The following IFT46 variants were observed in gnomAD, a reference collection of about 807,000 sequenced individuals.
The protein encoded by IFT46 is intraflagellar transport protein 46 homolog.
A neutral mutation model predicts 39.6 loss-of-function variants in IFT46; 19 were observed. The observed-to-expected ratio is 0.48, with a 90% confidence interval of 0.33 to 0.70. The LOEUF (loss-of-function observed/expected upper bound fraction) is 0.70, where lower values mean the gene tolerates loss of function less well. Ranked by LOEUF, IFT46 falls within the 30% of genes least tolerant of loss-of-function variation. IFT46 has a pLI of 0.01. For missense variants in IFT46, 334 were observed against 364.8 expected (o/e 0.92, Z 0.69); for synonymous variants, 117 against 134.8 (o/e 0.87, Z 0.91).
At chr11:118,574,524 TCATC>T (rs1200857954), upstream of IFT46, among the ~76,000 whole-genome samples, 1 of 152,072 alleles carries the variant, frequency 6.6e-6, no homozygotes, top group African/African-American at 2.4e-5. Flanking sequence ...ATGCATCTAA[TCATC>T]CATCCATCCC....
Position 118,545,443 on chromosome 11 carries a change from A to T in IFT46, c.785T>A (p.Leu262His). The change falls in exon 11 of 12, where the codon CTC becomes CAC. Residue 262 changes from leucine to histidine, a missense_variant. Leu to His is a moderately conservative substitution (Grantham distance 99). Coordinates refer to ENST00000264021, the MANE Select transcript of IFT46 (RefSeq NM_001168618.2). ...CTTGAATTCTGAGTAGAGGGAAAAG[A>T]GCAGATGGAGGGACTGGATCCGACT... ...YKSRIQSLHL[L>H]FSLYSEFKNS... 6.2e-7 allele frequency: 1 copy of T among 1,613,722 alleles called. No homozygotes were observed. Among genetic ancestry groups the T allele is most frequent in the Non-Finnish European group, 8.5e-7 (1 of 1,179,660 alleles).
chr11:118,556,907 C>A lies in IFT46; in HGVS notation c.184G>T (p.Gly62Trp). Residue 62 changes from glycine (G) to tryptophan (W), a missense_variant and splice_region_variant, in exon 4 of 12, where the codon GGG becomes TGG. Transcript: ENST00000264021. Reference sequence around the variant, plus strand: ...TTGGCTTGGGTGTTCTTTCCTCACCCTTCCAGAGGGGCTCCATGCTCTTCA... The same window carrying A: ...TTGGCTTGGGTGTTCTTTCCTCACCATTCCAGAGGGGCTCCATGCTCTTCA... ...DDEEHGAPLE[G>W]AYDPADYEHL... is the part of the protein sequence containing the mutation. 6.3e-7 allele frequency: 1 copy of A among 1,594,002 alleles called. No individual in the cohort carries two copies. Among genetic ancestry groups the A allele is most frequent in the Non-Finnish European group, 8.6e-7 (1 of 1,169,304 alleles).
At chr11:118,553,439 C>CAA (rs34453997) in intron 7 of IFT46, among the ~76,000 whole-genome samples, 5 of 89,902 alleles carry the variant, frequency 5.6e-5, no homozygotes, top group Non-Finnish European at 2.4e-5. Flanking sequence ...AAAACTGTCT[C>CAA]AAAAAAAAAA....
chr11:118,576,450 C>CAAAA (rs1565357939), upstream of IFT46, among the ~76,000 whole-genome samples: 1 of 43,734 alleles, frequency 2.3e-5, no homozygotes, highest in African/African-American at 6.6e-5. Flanking sequence ...AAAAAAAAAA[C>CAAAA]CAAAAACTTT....
exon 1 of IFT46, chr11:118,572,747 T>G (rs1016366720): frequency 7.3e-5 from 40 of 549,700 alleles, no homozygotes; most frequent in Non-Finnish European, 1.2e-4. Context: ...CCAGTCCATC[T>G]GTCGTCGTGC....
Position 118,555,306 on chromosome 11 carries a change from C to G in IFT46, c.202G>C (p.Asp68His). 1 of 1,614,054 alleles carries G rather than the reference C, an allele frequency of 6.2e-7. No homozygotes were observed. Among genetic ancestry groups the G allele is most frequent in the Non-Finnish European group, 8.5e-7 (1 of 1,179,990 alleles). Residue 68 changes from aspartate to histidine, a missense_variant, in exon 5 of 12, where the codon GAC becomes CAC. Physicochemically the swap from Asp to His is moderately conservative, Grantham distance 81 (BLOSUM62 -1). Coordinates refer to ENST00000264021, the MANE Select transcript of IFT46 (RefSeq NM_001168618.2). ...APLEGAYDPA[D>H]YEHLPVSAEI... ...GCAGAAACTGGCAAATGCTCATAGT[C>G]TGCAGGGTCATAGGCCCTGGGAAAA...
Position 118,563,662 on chromosome 11 carries a change from A to ATGTGTT in IFT46, c.-36+1302_-36+1303insAACACA, listed in dbSNP as rs1555070948. Among the ~76,000 whole-genome samples, 96 of 152,238 alleles carry ATGTGTT rather than the reference A, an allele frequency of 6.3e-4. 3 individuals carry two copies. In the South Asian group the frequency reaches 0.019, roughly 30 times the overall value. On this transcript the variant is annotated intron_variant, in intron 2 of 11. Coordinates refer to ENST00000264021, the MANE Select transcript of IFT46 (RefSeq NM_001168618.2). ...CACACGACAGCAACACAGCCTCCAA[A>ATGTGTT]GCTCTGCTTATTGTGCTTCCTGCCC...
At chr11:118,557,354 C>T (rs1241127835) in intron 3 of IFT46, 7 of 389,638 alleles carry the variant, frequency 1.8e-5, no homozygotes, top group Middle Eastern at 6.9e-4. Context: ...AGCTTCGGCC[C>T]GAAAAGCTAT....
At chr11:118,557,655 C>T (rs1937885451) in intron 3 of IFT46, 1 of 1,518,314 alleles carries the variant, frequency 6.6e-7, no homozygotes, top group Non-Finnish European at 9.1e-7. Context: ...TATTTCCCTT[C>T]CCTTACCCCA....
chr11:118,574,728 A>T (rs1029261889), upstream of IFT46, among the ~76,000 whole-genome samples: 3 of 151,958 alleles, frequency 2.0e-5, no homozygotes, highest in Non-Finnish European at 2.9e-5. Context: ...ACTTCATCAT[A>T]AAATAAAGTA....
upstream of IFT46, among the ~76,000 whole-genome samples, chr11:118,573,980 T>C (rs1938421586): frequency 6.6e-6 from 1 of 152,240 alleles, no homozygotes; most frequent in Non-Finnish European, 1.5e-5. Flanking sequence ...AGTTAAGGTC[T>C]TGTATTATAT....
At chr11:118,554,841 T>A in intron 6 of IFT46, 149 bp downstream of exon 6, 1 of 684,106 alleles carries the variant, frequency 1.5e-6, no homozygotes, top group South Asian at 1.9e-5. Context: ...GCAATGAGTG[T>A]AATTTGGAGT....
rs140761369 is a variant in IFT46, at chr11:118,554,549, T to C, written c.393A>G (p.Leu131=). 20 of 1,612,502 alleles carry C rather than the reference T, an allele frequency of 1.2e-5. No homozygotes were observed. Among genetic ancestry groups the C allele is most frequent in the African/African-American group, 8.0e-5 (6 of 74,976 alleles). ...RPDGKPDNLG[L]LVLDEPSTKQ... ...TTGTAGAAGGTTCATCCAATACCAA[T>C]AGGCCAAGGTTGTCAGGCTTTCCAT... The change falls in exon 7 of 12, where the codon CTA becomes CTG. Residue 131 remains leucine (L), a synonymous_variant. Transcript: ENST00000264021.
chr11:118,553,302 G>A (rs900468324), intron 7 of IFT46, among the ~76,000 whole-genome samples: 8 of 151,914 alleles, frequency 5.3e-5, no homozygotes, highest in Non-Finnish European at 1.2e-4. Flanking sequence ...TCAGCTGGGC[G>A]TGGTGGTGCA....
At chr11:118,576,442 A>C (rs200253835), upstream of IFT46, among the ~76,000 whole-genome samples, 3,528 of 131,476 alleles carry the variant, frequency 0.027, 172 homozygotes, top group African/African-American at 0.083. Context: ...AAAAAAAAAA[A>C]AAAAAAACCA....
intron 10 of IFT46, 27 bp from the exon 11 acceptor site, chr11:118,545,521 C>G (rs782557412): frequency 6.4e-7 from 1 of 1,570,478 alleles, no homozygotes; most frequent in South Asian, 1.1e-5. Context: ...CTTCCAGGAA[C>G]AGAAGCAAAC....
chr11:118,553,584 G>A (rs1323829382), intron 7 of IFT46, among the ~76,000 whole-genome samples: 1 of 152,150 alleles, frequency 6.6e-6, no homozygotes, highest in African/African-American at 2.4e-5. Flanking sequence ...AGCCACTTTG[G>A]AAAACAGTTT....
chr11:118,554,567 C>T lies in IFT46; in HGVS notation c.375G>A (p.Lys125=). 6.2e-7 allele frequency: 1 copy of T among 1,608,710 alleles called. No homozygotes were observed. The highest frequency in any genetic ancestry group is 8.5e-7 in the Non-Finnish European group (1 of 1,178,572). Reference sequence around the variant, plus strand: ...ATACCAATAGGCCAAGGTTGTCAGGCTTTCCATCAGGACGTGGGACCTGGT... The same window carrying T: ...ATACCAATAGGCCAAGGTTGTCAGGTTTTCCATCAGGACGTGGGACCTGGT... ...AFLKVPRPDG[K]PDNLGLLVLD... The change falls in exon 7 of 12, where the codon AAG becomes AAA. Residue 125 remains lysine, a synonymous_variant. Coordinates refer to ENST00000264021, the MANE Select transcript of IFT46 (RefSeq NM_001168618.2).
intron 6 of IFT46, 72 bp downstream of exon 6, chr11:118,554,918 G>C: frequency 8.8e-7 from 1 of 1,140,208 alleles, no homozygotes; most frequent in Non-Finnish European, 1.3e-6. Flanking sequence ...AGAAATTAGG[G>C]AAACTGTTAA....
Sources: allele counts gnomAD v4.1 joint callset (sites outside exome capture counted in the v4.1 genomes callset), GRCh38; gene constraint gnomAD v4.1.1; transcripts MANE v1.5; gene names NCBI Gene and HGNC (gene_info 2026-07-23, HGNC 2026-07-21).